RNF111: variants seen among roughly 807,000 people sequenced by gnomAD.
RNF111 encodes ring finger protein 111, also known as E3 ubiquitin-protein ligase Arkadia.
Under a neutral mutation model 95.1 loss-of-function variants are expected in RNF111, and 17 were observed. The observed-to-expected ratio is 0.18, with a 90% CI of 0.12 to 0.27. RNF111 has a LOEUF of 0.27. Among genes scored for constraint, RNF111 ranks in the 10% least tolerant of loss-of-function variants. The probability of loss-of-function intolerance (pLI) is 1.00; values close to 1 mark genes in which losing one functional copy is unlikely to be tolerated. For synonymous variants in RNF111, 440 were observed against 414.8 expected, an observed-to-expected ratio of 1.06 and a Z score of -0.74; for missense variants, 1,189 against 1,210.4, an observed-to-expected ratio of 0.98 and a Z score of 0.26.
At chr15:58,990,736 G>C (rs976580890) in intron 1 of RNF111, among the ~76,000 whole-genome samples, 1 of 152,108 alleles carries the variant, frequency 6.6e-6, no homozygotes, top group Non-Finnish European at 1.5e-5. Context: ...AATTACTGAA[G>C]CTTTAATAGC....
In RNF111 at chr15:59,085,740, A is replaced by G. The variant is rs773066031; in HGVS notation, c.2505A>G (p.Ala835=). ...ALHPHLAHYH[A]PPRLHHLQLG... ...ATCCTCACTTGGCCCATTATCACGC[A>G]CCTCCTCGACTTCATCACTTACAAT... Residue 835 remains alanine (A), a synonymous_variant, in exon 10 of 14, where the codon GCA becomes GCG. Coordinates refer to ENST00000348370, the MANE Select transcript of RNF111 (RefSeq NM_017610.8). 1.4e-4 allele frequency: 225 copies of G among 1,613,290 alleles called. No homozygotes were observed. Among genetic ancestry groups the G allele is most frequent in the Admixed American group, 2.2e-4 (13 of 59,938 alleles).
At chr15:59,044,060 C>G (rs999923882) in intron 2 of RNF111, among the ~76,000 whole-genome samples, 7 of 151,952 alleles carry the variant, frequency 4.6e-5, no homozygotes, top group Admixed American at 1.3e-4. Flanking sequence ...GACAGAGTTT[C>G]GCTTTTGCCG....
intron 10 of RNF111, among the ~76,000 whole-genome samples, chr15:59,087,087 A>G (rs747951878): frequency 6.6e-5 from 10 of 152,158 alleles, no homozygotes; most frequent in Non-Finnish European, 1.5e-4. Flanking sequence ...CTGAATCTCT[A>G]TGAAAGTTGA....
chr15:59,007,169 A>T (rs2039578540), intron 1 of RNF111, among the ~76,000 whole-genome samples: 1 of 152,168 alleles, frequency 6.6e-6, no homozygotes, highest in African/African-American at 2.4e-5. Flanking sequence ...CCAAATCCTT[A>T]TGAAGGTATT....
chr15:59,051,575 A>G (rs1408037822), intron 2 of RNF111, among the ~76,000 whole-genome samples: 6 of 152,126 alleles, frequency 3.9e-5, no homozygotes, highest in African/African-American at 1.4e-4. Context: ...TAGAATTTCA[A>G]GACAAGCCTG....
In RNF111 at chr15:59,084,269, T is replaced by C; in HGVS notation, c.2423+15T>C. 1.3e-6 allele frequency: 2 copies of C among 1,566,084 alleles called. No individual in the cohort carries two copies. The highest frequency in any genetic ancestry group is 1.7e-6 in the Non-Finnish European group (2 of 1,156,350). ...AGGTCTGCCTGGTCAGTATCTTCTTTAATTTCAAAACAGTGCTTCACAGCT... is the reference window on the plus strand; with the variant it reads ...AGGTCTGCCTGGTCAGTATCTTCTTCAATTTCAAAACAGTGCTTCACAGCT... On this transcript the variant is annotated intron_variant, in intron 9 of 13. Transcript: ENST00000348370.
chr15:59,074,508 C>T (rs1342543037), intron 6 of RNF111, among the ~76,000 whole-genome samples: 2 of 152,228 alleles, frequency 1.3e-5, no homozygotes, highest in Non-Finnish European at 2.9e-5. Flanking sequence ...CCTTCAGTTT[C>T]ATGAACTAAC....
intron 10 of RNF111, among the ~76,000 whole-genome samples, chr15:59,086,076 C>A (rs917337948): frequency 6.6e-6 from 1 of 151,990 alleles, no homozygotes; most frequent in African/African-American, 2.4e-5. Flanking sequence ...AGTTATTTTG[C>A]CGTAAGTGGT....
At position 59,084,096 on chromosome 15, in the gene RNF111, T is replaced by C. The variant is rs376094869; in HGVS notation, c.2298-33T>C. The C allele has an allele frequency of 6.2e-5, 96 of 1,549,798 alleles. No homozygotes were observed. The African/African-American group carries it at 1.3e-3, about 20-fold the overall frequency. ...AAGAAATAACCAATTATTCAATTAT[T>C]TCCAGTGGTCTTTTTGTGTTCTGTG... On this transcript the variant is annotated intron_variant, in intron 8 of 13. Transcript: ENST00000348370.
intron 1 of RNF111, among the ~76,000 whole-genome samples, chr15:59,002,434 C>T (rs1391790203): frequency 6.6e-6 from 1 of 151,968 alleles, no homozygotes; most frequent in African/African-American, 2.4e-5. Flanking sequence ...GGGACAAGTT[C>T]CTGAAAATCT....
At chr15:59,072,306 G>GT (rs1192832673) in intron 6 of RNF111, among the ~76,000 whole-genome samples, 1 of 152,148 alleles carries the variant, frequency 6.6e-6, no homozygotes, top group Non-Finnish European at 1.5e-5. Context: ...ACATGATGCT[G>GT]TTTAATGGTG....
At chr15:59,082,912 A>G (rs532437776) in intron 8 of RNF111, among the ~76,000 whole-genome samples, 1 of 152,362 alleles carries the variant, frequency 6.6e-6, no homozygotes, top group Non-Finnish European at 1.5e-5. Flanking sequence ...TCTTCCAGTA[A>G]CTGGCAAATT....
chr15:59,021,864 T>C (rs1825422705), intron 1 of RNF111, among the ~76,000 whole-genome samples: 1 of 152,098 alleles, frequency 6.6e-6, no homozygotes, highest in African/African-American at 2.4e-5. Context: ...TTCTAGCTTC[T>C]TATAAATTTT....
rs1373055758 is a variant in RNF111, at chr15:59,096,889, C to T, written c.*1989C>T. 5 of 152,062 alleles carry T rather than the reference C, an allele frequency of 3.3e-5. No homozygotes were observed. Among genetic ancestry groups the T allele is most frequent in the African/African-American group, 1.2e-4 (5 of 41,404 alleles). The allele number at this position is 152,062 out of a possible 1,614,324, so 9.4% of individuals were successfully genotyped here. ...TGTCATGGAGTCCTCTTGACGTTCCCCCAGATACAAGTAAAGCACAGGTGG... is the reference window on the plus strand; with the variant it reads ...TGTCATGGAGTCCTCTTGACGTTCCTCCAGATACAAGTAAAGCACAGGTGG... On this transcript the variant is annotated 3_prime_UTR_variant, in exon 14 of 14. Transcript: ENST00000348370.
chr15:59,055,695 C>T lies in RNF111; in HGVS notation c.1021C>T (p.Leu341Phe). 1 of 1,612,808 alleles carries T rather than the reference C, an allele frequency of 6.2e-7. No individual in the cohort carries two copies. The highest frequency in any genetic ancestry group is 8.5e-7 in the Non-Finnish European group (1 of 1,179,346). Residue 341 changes from leucine to phenylalanine, a missense_variant, in exon 4 of 14, where the codon CTT (leucine) becomes TTT (phenylalanine). Physicochemically the swap from Leu to Phe is conservative, Grantham distance 22 (BLOSUM62 0). This residue lies in a region of RNF111 where 1,024 missense variants were observed against 925.9 expected (regional missense o/e 1.11). Transcript: ENST00000348370. ...VGESYRSRST[L>F]GHSRSHWSQG... ...ATGTCATTTAAGGTCTCGTTCAACC[C>T]TTGGACACTCCAGATCTCATTGGAG... is the stretch of plus-strand genomic sequence containing the variant.
intron 5 of RNF111, among the ~76,000 whole-genome samples, chr15:59,064,409 G>A (rs1317253187): frequency 1.3e-5 from 2 of 151,630 alleles, no homozygotes; most frequent in African/African-American, 2.4e-5. Context: ...GGTGGCGGGC[G>A]CCTGTAGTCC....
chr15:59,073,745 C>G (rs959964308), intron 6 of RNF111, among the ~76,000 whole-genome samples: 1 of 152,162 alleles, frequency 6.6e-6, no homozygotes, highest in Admixed American at 6.5e-5. Context: ...CACAAATGTT[C>G]TTAATGACAT....
intron 1 of RNF111, among the ~76,000 whole-genome samples, chr15:59,011,647 G>T (rs1184497935): frequency 6.6e-6 from 1 of 152,086 alleles, no homozygotes; most frequent in Admixed American, 6.6e-5. Flanking sequence ...TTTTCTGTGT[G>T]TTTGCATCCT....
chr15:59,031,512 G>T lies in RNF111; in HGVS notation c.690G>T (p.Glu230Asp). 1.2e-6 allele frequency: 2 copies of T among 1,614,156 alleles called. No individual in the cohort carries two copies. Among genetic ancestry groups the T allele is most frequent in the Non-Finnish European group, 1.7e-6 (2 of 1,180,024 alleles). The change falls in exon 2 of 14, where the codon GAG becomes GAT. Residue 230 changes from glutamate (E) to aspartate (D), a missense_variant. Physicochemically the swap from Glu to Asp is conservative, Grantham distance 45 (BLOSUM62 2). Coordinates refer to ENST00000348370, the MANE Select transcript of RNF111 (RefSeq NM_017610.8). ...NSSQRTQKQK[E>D]RILMQRKKRE... is the part of the protein sequence containing the mutation. ...CACAGAGGACACAGAAACAAAAAGA[G>T]AGGATATTAATGCAGAGGAAGAAAC...
Sources: gnomAD v4.1 joint callset for allele counts (sites outside exome capture counted in the v4.1 genomes callset) on GRCh38, gnomAD v4.1.1 for gene constraint, gnomAD v4.1.1 regional missense constraint, MANE v1.5 for transcripts, NCBI Gene and HGNC (gene_info 2026-07-23, HGNC 2026-07-21) for gene names.